RCOR1: variants seen among roughly 807,000 people sequenced by gnomAD.
The protein encoded by RCOR1 is REST corepressor.
RCOR1 carries 12 observed loss-of-function variants against 64.0 expected under a neutral mutation model. The ratio of observed to expected loss-of-function variants is 0.19; its 90% CI spans 0.12 to 0.30. The LOEUF is 0.30. Ranked by LOEUF, RCOR1 falls within the 10% of genes least tolerant of loss-of-function variation. RCOR1 has a pLI of 1.00. For missense variants in RCOR1, 502 were observed against 621.2 expected, an observed-to-expected ratio of 0.81 and a Z score of 2.04; for synonymous variants, 279 against 227.2, an observed-to-expected ratio of 1.23 and a Z score of -2.05.
chr14:102,699,910 T>C (rs1895722807), intron 3 of RCOR1, among the ~76,000 whole-genome samples: 1 of 152,156 alleles, frequency 6.6e-6, no homozygotes, highest in South Asian at 2.1e-4. Context: ...AATTGATTCA[T>C]CTTTGGGGGT....
chr14:102,708,156 A>G (rs1310170172), intron 5 of RCOR1, among the ~76,000 whole-genome samples: 2 of 152,108 alleles, frequency 1.3e-5, no homozygotes, highest in African/African-American at 4.8e-5. Context: ...TAGTAAAGAC[A>G]GGATTTCACC....
chr14:102,712,947 G>GTTTTTTTTT (rs67246962), intron 7 of RCOR1, among the ~76,000 whole-genome samples: 2 of 77,686 alleles, frequency 2.6e-5, no homozygotes, highest in Admixed American at 1.9e-4. Flanking sequence ...CTAAATCATT[G>GTTTTTTTTT]TTTTTTTTTT....
At chr14:102,597,690 G>A (rs1349454253) in intron 2 of RCOR1, among the ~76,000 whole-genome samples, 2 of 136,440 alleles carry the variant, frequency 1.5e-5, no homozygotes, top group African/African-American at 2.8e-5. Flanking sequence ...AGGCTGGAGT[G>A]CAGTGGCACA....
In RCOR1 at chr14:102,592,690, G is replaced by A. The variant is rs567634598; in HGVS notation, c.-197G>A. ...GGGCGGCGATGAGAGCGAAAGTTGC[G>A]CTCGGCTCGTCGCTGGGGGCTTGAA... On this transcript the variant is annotated 5_prime_UTR_variant, in exon 1 of 12. Transcript: ENST00000262241. The A allele has an allele frequency of 6.5e-6, 8 of 1,228,070 alleles. No individual in the cohort carries two copies. Among genetic ancestry groups the A allele is most frequent in the Non-Finnish European group, 6.1e-6 (6 of 985,754 alleles). 76.1% of individuals were successfully genotyped at this position (1,228,070 alleles called of 1,614,324 possible).
At chr14:102,606,959 A>T (rs1180527618) in intron 2 of RCOR1, among the ~76,000 whole-genome samples, 3 of 117,960 alleles carry the variant, frequency 2.5e-5, no homozygotes, top group Non-Finnish European at 5.1e-5. Flanking sequence ...TTTGAGACGA[A>T]GTCTCACTCT....
chr14:102,636,132 G>T (rs907543602), intron 2 of RCOR1, among the ~76,000 whole-genome samples: 2 of 151,614 alleles, frequency 1.3e-5, no homozygotes, highest in African/African-American at 4.8e-5. Context: ...TAGAGATGGG[G>T]TTTCACCGTG....
chr14:102,622,059 A>G lies in RCOR1; in HGVS notation c.361+28734A>G, dbSNP rs112203502. Reference sequence around the variant, plus strand: ...TAACTGCCATCCACAGAAAAGTAACATTTTGTTTTATTTGATTAACTGTGC... The same window carrying G: ...TAACTGCCATCCACAGAAAAGTAACGTTTTGTTTTATTTGATTAACTGTGC... On this transcript the variant is annotated intron_variant, in intron 2 of 11. Coordinates refer to ENST00000262241, the MANE Select transcript of RCOR1 (RefSeq NM_015156.4). 7.2e-3 allele frequency among the ~76,000 whole-genome samples: 1,091 copies of G among 152,280 alleles called. 6 individuals are homozygous for G. Among genetic ancestry groups the G allele is most frequent in the Non-Finnish European group, 0.012 (804 of 68,028 alleles).
At chr14:102,726,095 G>A (rs948069321) in intron 11 of RCOR1, among the ~76,000 whole-genome samples, 5 of 152,148 alleles carry the variant, frequency 3.3e-5, no homozygotes, top group Non-Finnish European at 4.4e-5. Context: ...TTGGGAGGCC[G>A]AGGCAGGCAG....
chr14:102,722,299 T>C lies in RCOR1; in HGVS notation c.1302T>C (p.Asp434=). ...ATTATCGACGCCGCTTCAACATAGA[T>C]GAAGTTTTACAAGAATGGGAGGCAG... The part of the protein sequence containing the change: ...FVNYRRRFNI[D]EVLQEWEAEH... Residue 434 remains aspartate, a synonymous_variant, in exon 11 of 12, where the codon GAT becomes GAC. Transcript: ENST00000262241. 1 of 1,614,104 alleles carries C rather than the reference T, an allele frequency of 6.2e-7. No individual in the cohort carries two copies. Among genetic ancestry groups the C allele is most frequent in the Non-Finnish European group, 8.5e-7 (1 of 1,179,990 alleles).
At chr14:102,674,878 G>A (rs1895108011) in intron 2 of RCOR1, among the ~76,000 whole-genome samples, 1 of 151,838 alleles carries the variant, frequency 6.6e-6, no homozygotes, top group Admixed American at 6.6e-5. Flanking sequence ...GGCTAACACG[G>A]TGAAACCCTG....
intron 6 of RCOR1, chr14:102,710,685 T>A: frequency 2.2e-6 from 1 of 447,854 alleles, no homozygotes; most frequent in South Asian, 3.0e-5. Context: ...AGATCTGGAT[T>A]GGGAAGTTAG....
At chr14:102,631,349 C>T (rs899953379) in intron 2 of RCOR1, among the ~76,000 whole-genome samples, 6 of 151,610 alleles carry the variant, frequency 4.0e-5, no homozygotes, top group Non-Finnish European at 5.9e-5. Flanking sequence ...ACTACAGGCA[C>T]CCGCCACCAT....
chr14:102,693,633 T>C (rs565586590), intron 3 of RCOR1, among the ~76,000 whole-genome samples: 34 of 152,276 alleles, frequency 2.2e-4, no homozygotes, highest in African/African-American at 7.9e-4. Context: ...TTTAGCTTCC[T>C]TTTCAGAGCT....
chr14:102,619,320 A>G (rs1266080284), intron 2 of RCOR1, among the ~76,000 whole-genome samples: 1 of 152,064 alleles, frequency 6.6e-6, no homozygotes, highest in East Asian at 1.9e-4. Context: ...GGGTTTCACC[A>G]TGTTGGTTAG....
chr14:102,665,286 T>C (rs898571024), intron 2 of RCOR1, among the ~76,000 whole-genome samples: 2 of 150,560 alleles, frequency 1.3e-5, no homozygotes, highest in Non-Finnish European at 2.9e-5. Context: ...ATTATAGGTA[T>C]GAGCCACCAC....
chr14:102,614,728 A>G (rs1368731382), intron 2 of RCOR1, among the ~76,000 whole-genome samples: 1 of 152,206 alleles, frequency 6.6e-6, no homozygotes, highest in Non-Finnish European at 1.5e-5. Context: ...GCCGAACTCT[A>G]TAAACTAGAA....
chr14:102,597,327 G>C (rs1241906005), intron 2 of RCOR1, among the ~76,000 whole-genome samples: 1 of 151,566 alleles, frequency 6.6e-6, no homozygotes, highest in East Asian at 1.9e-4. Context: ...GGAGGAATTT[G>C]ACTTTGATTT....
At chr14:102,659,412 C>A (rs905600757) in intron 2 of RCOR1, 1 of 331,138 alleles carries the variant, frequency 3.0e-6, no homozygotes, top group Non-Finnish European at 4.3e-6. Context: ...AAAAATTCAT[C>A]TTATTTTACT....
intron 2 of RCOR1, 89 bp from the exon 3 acceptor site, chr14:102,681,806 G>A: frequency 1.1e-6 from 1 of 908,358 alleles, no homozygotes; most frequent in Non-Finnish European, 1.7e-6. Context: ...AGGTAAAAAG[G>A]TGGGTGATGT....
Sources: allele counts gnomAD v4.1 joint callset (sites outside exome capture counted in the v4.1 genomes callset), GRCh38; gene constraint gnomAD v4.1.1; transcripts MANE v1.5; gene names NCBI Gene and HGNC (gene_info 2026-07-23, HGNC 2026-07-21).